Variants in ARHGAP6 observed in about 807,000 individuals in gnomAD.
ARHGAP6 encodes Rho GTPase activating protein 6.
A neutral mutation model predicts 55.7 loss-of-function variants in ARHGAP6; 16 were observed. The observed-to-expected ratio is 0.29, with a 90% confidence interval of 0.19 to 0.44. ARHGAP6 has a LOEUF of 0.44. Among genes scored for constraint, ARHGAP6 ranks in the 20% least tolerant of loss-of-function variants. The pLI is 1.00. For synonymous variants in ARHGAP6, 382 were observed against 360.9 expected, an observed-to-expected ratio of 1.06 and a Z score of -0.66; for missense variants, 698 against 808.9, an observed-to-expected ratio of 0.86 and a Z score of 1.66.
intron 1 of ARHGAP6, among the ~76,000 whole-genome samples, chrX:11,336,978 C>T (rs1241441886): frequency 1.8e-5 from 2 of 110,779 alleles, no homozygotes; most frequent in Non-Finnish European, 3.8e-5. Flanking sequence ...TTACTTCACC[C>T]CTCACAGTCA....
At chrX:11,372,397 G>T (rs1394305214) in intron 1 of ARHGAP6, among the ~76,000 whole-genome samples, 2 of 111,627 alleles carry the variant, frequency 1.8e-5, no homozygotes, top group Admixed American at 1.9e-4. Flanking sequence ...TATTAATAAA[G>T]AATGGATTTT....
At chrX:11,645,648 T>C (rs1207567445) in intron 1 of ARHGAP6, among the ~76,000 whole-genome samples, 1 of 111,942 alleles carries the variant, frequency 8.9e-6, no homozygotes, top group African/African-American at 3.2e-5. Context: ...TTGGGTGCTC[T>C]CCCTCGTTGG....
intron 1 of ARHGAP6, among the ~76,000 whole-genome samples, chrX:11,433,370 G>A (rs769378912): frequency 1.8e-5 from 2 of 111,669 alleles, no homozygotes; most frequent in Admixed American, 9.5e-5. Context: ...GTTTTTTGCC[G>A]TTTTGATATT....
At chrX:11,345,678 C>G (rs1377848128) in intron 1 of ARHGAP6, among the ~76,000 whole-genome samples, 1 of 111,824 alleles carries the variant, frequency 8.9e-6, no homozygotes, top group Non-Finnish European at 1.9e-5. Flanking sequence ...GTGTCTACCT[C>G]AGTTTATATT....
At chrX:11,177,939 C>A (rs2046256287) in intron 8 of ARHGAP6, among the ~76,000 whole-genome samples, 161 bp downstream of exon 8, 1 of 111,512 alleles carries the variant, frequency 9.0e-6, no homozygotes, top group African/African-American at 3.3e-5. Flanking sequence ...GGAACTGTGC[C>A]TCCAGAGAAG....
intron 1 of ARHGAP6, among the ~76,000 whole-genome samples, chrX:11,588,728 G>C (rs2051766653): frequency 8.9e-6 from 1 of 112,110 alleles, no homozygotes; most frequent in African/African-American, 3.2e-5. Flanking sequence ...AATCCATAGA[G>C]ACAAAAAGTA....
chrX:11,645,317 A>T (rs147642265), intron 1 of ARHGAP6, among the ~76,000 whole-genome samples: 1,790 of 111,350 alleles, frequency 0.016, 31 homozygotes, highest in African/African-American at 0.055. Flanking sequence ...AAAGAAAAAA[A>T]ATCATTTTTT....
chrX:11,196,422 G>A (rs1357255580), intron 3 of ARHGAP6, among the ~76,000 whole-genome samples: 1 of 110,551 alleles, frequency 9.0e-6, no homozygotes, highest in East Asian at 2.8e-4. Context: ...ATGTAACAAA[G>A]TAAAATGTAA....
chrX:11,570,659 G>C (rs1405244455), intron 1 of ARHGAP6, among the ~76,000 whole-genome samples: 1 of 111,417 alleles, frequency 9.0e-6, no homozygotes, highest in Non-Finnish European at 1.9e-5. Flanking sequence ...ATCCAGATCT[G>C]TTTACATAGC....
At chrX:11,298,728 A>C in intron 1 of ARHGAP6, 2 of 1,210,455 alleles carry the variant, frequency 1.7e-6, no homozygotes, top group Non-Finnish European at 2.2e-6. Context: ...CCAACACTCC[A>C]TGACTCCAAT....
chrX:11,303,765 T>C (rs1424118444), intron 1 of ARHGAP6, among the ~76,000 whole-genome samples: 1 of 110,963 alleles, frequency 9.0e-6, no homozygotes, highest in African/African-American at 3.3e-5. Context: ...TGGTAGGGGG[T>C]GCAGCCTCCA....
At chrX:11,325,729 A>G (rs2048489168) in intron 1 of ARHGAP6, among the ~76,000 whole-genome samples, 1 of 112,606 alleles carries the variant, frequency 8.9e-6, no homozygotes, top group Non-Finnish European at 1.9e-5. Context: ...TATTTTTAAA[A>G]GTAGTTATGC....
rs1291736502 is a variant in ARHGAP6, at chrX:11,191,403, G to T, written c.821-2419C>A. Among the ~76,000 whole-genome samples, 9 of 111,903 alleles carry T rather than the reference G, an allele frequency of 8.0e-5. No individual in the cohort carries two copies. The Admixed American group carries it at 8.5e-4, about 11-fold the overall frequency. ...GACAGTAAGTAAATGAATAGGCATG[G>T]CTGTGTTCTAGTAAAGCTTTATTTA... On this transcript the variant is annotated intron_variant, in intron 3 of 12. Coordinates refer to ENST00000337414, the MANE Select transcript of ARHGAP6 (RefSeq NM_013427.3).
intron 9 of ARHGAP6, among the ~76,000 whole-genome samples, chrX:11,163,791 T>C (rs990416100): frequency 1.8e-5 from 2 of 112,088 alleles, no homozygotes; most frequent in Admixed American, 1.9e-4. Flanking sequence ...TCAGGCAGCA[T>C]GTTTTGGCAA....
intron 1 of ARHGAP6, among the ~76,000 whole-genome samples, chrX:11,544,325 T>C (rs150261654): frequency 2.7e-5 from 3 of 112,670 alleles, no homozygotes; most frequent in African/African-American, 9.7e-5. Context: ...GTTTGAAAGC[T>C]TGAGATTCAC....
At chrX:11,484,297 G>A (rs1456090231) in intron 1 of ARHGAP6, among the ~76,000 whole-genome samples, 1 of 109,518 alleles carries the variant, frequency 9.1e-6, no homozygotes, top group Non-Finnish European at 1.9e-5. Context: ...GGAGGGGAAA[G>A]GGGAAAGAAA....
At chrX:11,598,223 A>T (rs2051925053) in intron 1 of ARHGAP6, among the ~76,000 whole-genome samples, 1 of 112,139 alleles carries the variant, frequency 8.9e-6, no homozygotes, top group Non-Finnish European at 1.9e-5. Context: ...TGCCCTTCAC[A>T]GGGATGGAAA....
intron 1 of ARHGAP6, among the ~76,000 whole-genome samples, chrX:11,519,517 G>T (rs1449161418): frequency 9.0e-6 from 1 of 110,760 alleles, no homozygotes; most frequent in African/African-American, 3.3e-5. Context: ...GTTCATTGTA[G>T]ATTCTGGCCA....
chrX:11,569,325 G>C (rs1173279684), intron 1 of ARHGAP6, among the ~76,000 whole-genome samples: 1 of 111,251 alleles, frequency 9.0e-6, no homozygotes, highest in African/African-American at 3.3e-5. Flanking sequence ...CAGTTGAGAA[G>C]CCCTATTTTA....
Sources: gnomAD v4.1 joint callset for allele counts (sites outside exome capture counted in the v4.1 genomes callset) on GRCh38, gnomAD v4.1.1 for gene constraint, MANE v1.5 for transcripts, NCBI Gene and HGNC (gene_info 2026-07-23, HGNC 2026-07-21) for gene names.